The following LSAMP variants were observed in gnomAD, a reference collection of about 807,000 sequenced individuals.
LSAMP encodes limbic system-associated membrane protein.
In LSAMP, 7 loss-of-function variants were observed where a neutral mutation model predicts 38.6. That is an observed-to-expected ratio of 0.18 (90% CI 0.10 to 0.34). LSAMP has a LOEUF of 0.34. Ranked by LOEUF, LSAMP falls within the 10% of genes least tolerant of loss-of-function variation. LSAMP has a pLI of 1.00. For missense variants in LSAMP, 313 were observed against 420.0 expected, an observed-to-expected ratio of 0.75 and a Z score of 2.23; for synonymous variants, 154 against 166.8, an observed-to-expected ratio of 0.92 and a Z score of 0.59.
chr3:116,414,197 T>C (rs374063131), intron 1 of LSAMP, among the ~76,000 whole-genome samples: 1 of 152,058 alleles, frequency 6.6e-6, no homozygotes, highest in African/African-American at 2.4e-5. Context: ...CATCTGGGGA[T>C]CATTATTACT....
At chr3:116,001,682 G>A (rs533464491) in intron 3 of LSAMP, among the ~76,000 whole-genome samples, 109 of 152,196 alleles carry the variant, frequency 7.2e-4, no homozygotes, top group African/African-American at 2.5e-3. Flanking sequence ...GGCTGTGGCC[G>A]CCTTCTCCAT....
Position 115,900,715 on chromosome 3 carries a change from C to T in LSAMP, c.515-48098G>A, listed in dbSNP as rs191853526. On this transcript the variant is annotated intron_variant, in intron 3 of 6. Coordinates refer to ENST00000490035, the MANE Select transcript of LSAMP (RefSeq NM_002338.5). ...CTGCTCCATTTATTTTGTTTCCTGT[C>T]TCTTGTCTTCAGCATCAAGAGAAAT... Among the ~76,000 whole-genome samples the T allele has an allele frequency of 1.4e-4, 21 of 152,180 alleles. 1 individual carries two copies. The East Asian group carries it at 3.3e-3, about 24-fold the overall frequency.
chr3:116,019,170 G>A (rs1559922501), intron 3 of LSAMP, among the ~76,000 whole-genome samples: 2 of 131,382 alleles, frequency 1.5e-5, no homozygotes, highest in Non-Finnish European at 3.2e-5. Context: ...GGGGGGGGGG[G>A]CTGTTCTATT....
At chr3:116,079,972 A>G (rs1707836994) in intron 2 of LSAMP, among the ~76,000 whole-genome samples, 1 of 152,180 alleles carries the variant, frequency 6.6e-6, no homozygotes, top group African/African-American at 2.4e-5. Flanking sequence ...TACTATTTAA[A>G]CATATTTGAA....
chr3:115,805,277 G>A lies in LSAMP; in HGVS notation c.*5040C>T, dbSNP rs1240409494. On this transcript the variant is annotated 3_prime_UTR_variant, in exon 7 of 7. Transcript: ENST00000490035. ...TTGAGCAGGATATAAACCTTGAACTGTTCCTGTGGGTCTGCTTCCTTTGGC... is the reference window on the plus strand; with the variant it reads ...TTGAGCAGGATATAAACCTTGAACTATTCCTGTGGGTCTGCTTCCTTTGGC... The A allele has an allele frequency of 2.6e-5, 4 of 152,148 alleles. No individual in the cohort carries two copies. Among genetic ancestry groups the A allele is most frequent in the Admixed American group, 6.6e-5 (1 of 15,266 alleles). 9.4% of individuals were successfully genotyped at this position (152,148 alleles called of 1,614,324 possible). A position where few individuals can be genotyped will look rare whatever the true frequency, so the allele number is the denominator to read the frequency against.
At chr3:115,827,471 G>C (rs1352152466) in intron 6 of LSAMP, among the ~76,000 whole-genome samples, 1 of 151,972 alleles carries the variant, frequency 6.6e-6, no homozygotes, top group South Asian at 2.1e-4. Context: ...TTTATTGCGA[G>C]TATGGGGCAG....
chr3:116,367,148 T>C (rs1448530794), intron 1 of LSAMP, among the ~76,000 whole-genome samples: 1 of 152,180 alleles, frequency 6.6e-6, no homozygotes, highest in Non-Finnish European at 1.5e-5. Context: ...AGAAGGGTCA[T>C]AGGAATAGAG....
intron 1 of LSAMP, among the ~76,000 whole-genome samples, chr3:116,335,512 G>T (rs1051899360): frequency 5.3e-5 from 8 of 152,024 alleles, no homozygotes; most frequent in Non-Finnish European, 1.0e-4. Context: ...CATATAGACA[G>T]ACATATAAAC....
At chr3:116,069,156 C>A (rs557493643) in intron 2 of LSAMP, among the ~76,000 whole-genome samples, 14 of 152,160 alleles carry the variant, frequency 9.2e-5, no homozygotes, top group Non-Finnish European at 1.8e-4. Flanking sequence ...CCCTAACAGG[C>A]CTGCAAGGTT....
intron 1 of LSAMP, among the ~76,000 whole-genome samples, chr3:116,380,468 G>T (rs1026216864): frequency 3.3e-5 from 5 of 151,652 alleles, no homozygotes; most frequent in African/African-American, 1.2e-4. Context: ...TTGATAAATA[G>T]AAGTTCCATA....
At chr3:115,950,102 C>T (rs1938233285) in intron 3 of LSAMP, among the ~76,000 whole-genome samples, 1 of 152,194 alleles carries the variant, frequency 6.6e-6, no homozygotes, top group Non-Finnish European at 1.5e-5. Flanking sequence ...TAATAGTTAT[C>T]TATGACAAAC....
chr3:116,288,333 G>C (rs1310967171), intron 1 of LSAMP, among the ~76,000 whole-genome samples: 1 of 152,178 alleles, frequency 6.6e-6, no homozygotes, highest in South Asian at 2.1e-4. Context: ...ACAGATGAGA[G>C]AAGGTATCGT....
intron 1 of LSAMP, among the ~76,000 whole-genome samples, chr3:116,397,262 G>A (rs1029163243): frequency 4.6e-5 from 7 of 151,894 alleles, no homozygotes; most frequent in African/African-American, 1.5e-4. Flanking sequence ...TAGACATGTG[G>A]GCTAGAGAAA....
intron 1 of LSAMP, among the ~76,000 whole-genome samples, chr3:116,178,339 TA>T (rs1316791957): frequency 1.3e-5 from 2 of 152,120 alleles, no homozygotes; most frequent in African/African-American, 4.8e-5. Context: ...GCTAATTTTT[TA>T]TATTTTTAGT....
chr3:116,037,704 T>C lies in LSAMP; in HGVS notation c.389-18064A>G, dbSNP rs114943147. The stretch of plus-strand genomic sequence containing the variant: ...CAGAATTGTATGGTAACATTACTGA[T>C]TTTTATGTAGGGCTTGCAGAATATG... On this transcript the variant is annotated intron_variant, in intron 2 of 6. Coordinates refer to ENST00000490035, the MANE Select transcript of LSAMP (RefSeq NM_002338.5). Among the ~76,000 whole-genome samples, 596 of 152,228 alleles carry C rather than the reference T, an allele frequency of 3.9e-3. 2 individuals are homozygous for C. Among genetic ancestry groups the C allele is most frequent in the Non-Finnish European group, 7.0e-3 (476 of 67,988 alleles).
chr3:116,069,500 G>A (rs1016273332), intron 2 of LSAMP, among the ~76,000 whole-genome samples: 1 of 152,102 alleles, frequency 6.6e-6, no homozygotes, highest in African/African-American at 2.4e-5. Flanking sequence ...TATCTTGTAG[G>A]AATGTTTAGG....
At chr3:116,020,839 G>C (rs1157723419) in intron 2 of LSAMP, among the ~76,000 whole-genome samples, 1 of 152,136 alleles carries the variant, frequency 6.6e-6, no homozygotes, top group Non-Finnish European at 1.5e-5. Context: ...TATGTGTCTG[G>C]GGGAAGGAGA....
intron 1 of LSAMP, among the ~76,000 whole-genome samples, chr3:116,091,128 G>A (rs901839998): frequency 8.5e-5 from 13 of 152,184 alleles, no homozygotes; most frequent in African/African-American, 1.2e-4. Flanking sequence ...CCCCAGGTGC[G>A]CATTCTCTTT....
chr3:115,980,817 T>C (rs1939337116), intron 3 of LSAMP, among the ~76,000 whole-genome samples: 1 of 152,204 alleles, frequency 6.6e-6, no homozygotes, highest in Admixed American at 6.5e-5. Flanking sequence ...TAAGGTCATA[T>C]ATCTTTTGCT....
Sources: allele counts gnomAD v4.1 joint callset (sites outside exome capture counted in the v4.1 genomes callset), GRCh38; gene constraint gnomAD v4.1.1; transcripts MANE v1.5; gene names NCBI Gene and HGNC (gene_info 2026-07-23, HGNC 2026-07-21).